Variants in UNC79 observed in about 807,000 individuals in gnomAD.
UNC79 encodes the protein protein unc-79 homolog.
A neutral mutation model predicts 283.1 loss-of-function variants in UNC79; 37 were observed. The ratio of observed to expected loss-of-function variants is 0.13; its 90% confidence interval spans 0.10 to 0.17. The LOEUF (loss-of-function observed/expected upper bound fraction) is 0.17, where lower values mean the gene tolerates loss of function less well. Among genes scored for constraint, UNC79 ranks in the 10% least tolerant of loss-of-function variants. The pLI is 1.00. For synonymous variants in UNC79, 1,107 were observed against 1,200.2 expected (o/e 0.92, Z 1.61); for missense variants, 2,272 against 3,211.1 (o/e 0.71, Z 7.07).
At chr14:93,381,247 A>G (rs879586134) in intron 1 of UNC79, among the ~76,000 whole-genome samples, 3 of 152,228 alleles carry the variant, frequency 2.0e-5, no homozygotes, top group Non-Finnish European at 4.4e-5. Context: ...AAAAGAAATT[A>G]GAGAAGCCCA....
chr14:93,427,487 A>G (rs1370212853), upstream of UNC79, among the ~76,000 whole-genome samples: 3 of 152,196 alleles, frequency 2.0e-5, no homozygotes, highest in Non-Finnish European at 2.9e-5. Flanking sequence ...TGTGTATGTA[A>G]TTACCCTATC....
intron 1 of UNC79, among the ~76,000 whole-genome samples, chr14:93,364,176 A>G (rs2054281841): frequency 6.6e-6 from 1 of 152,184 alleles, no homozygotes; most frequent in African/African-American, 2.4e-5. Flanking sequence ...CAAAGTTAGT[A>G]TACCCATGCA....
intron 1 of UNC79, among the ~76,000 whole-genome samples, chr14:93,410,290 C>T (rs2055308876): frequency 6.6e-6 from 1 of 152,230 alleles, no homozygotes. Context: ...AGAGGGGAAT[C>T]ACCTATCCCA....
At chr14:93,612,736 A>T in intron 26 of UNC79, 61 bp from the exon 28 acceptor site, 1 of 1,570,146 alleles carries the variant, frequency 6.4e-7, no homozygotes, top group African/African-American at 1.4e-5. Context: ...TCTAAGAGAG[A>T]TTTTAGTGTC....
At chr14:93,532,601 G>A (rs200844587) in intron 11 of UNC79, 23 bp downstream of exon 11, 29 of 1,609,300 alleles carry the variant, frequency 1.8e-5, no homozygotes, top group African/African-American at 9.3e-5. Context: ...CATTTGTGTC[G>A]TTGGGGCATG....
chr14:93,505,561 C>T (rs1720960567), intron 7 of UNC79, among the ~76,000 whole-genome samples: 2 of 151,982 alleles, frequency 1.3e-5, no homozygotes, highest in South Asian at 4.2e-4. Context: ...TTATGTGTGT[C>T]TTGTAATCAG....
chr14:93,561,459 G>T (rs1160928823), intron 14 of UNC79, among the ~76,000 whole-genome samples: 2 of 152,134 alleles, frequency 1.3e-5, no homozygotes, highest in Non-Finnish European at 2.9e-5. Context: ...GAAGTTTGGA[G>T]GTGTAGGGAG....
chr14:93,651,443 C>A (rs2070247991), intron 35 of UNC79, among the ~76,000 whole-genome samples: 1 of 152,080 alleles, frequency 6.6e-6, no homozygotes, highest in African/African-American at 2.4e-5. Flanking sequence ...TCTTTAATTT[C>A]TCTCAGCAAT....
chr14:93,547,100 T>A (rs1165279171), intron 14 of UNC79, among the ~76,000 whole-genome samples: 2 of 152,160 alleles, frequency 1.3e-5, no homozygotes, highest in Non-Finnish European at 2.9e-5. Context: ...CATGAAACAT[T>A]AAAATAATAA....
chr14:93,480,959 G>C (rs548611628), intron 4 of UNC79, among the ~76,000 whole-genome samples: 1 of 152,116 alleles, frequency 6.6e-6, no homozygotes. Flanking sequence ...CTGCTTTTCA[G>C]GTATAAAATG....
At chr14:93,638,867 TG>T (rs2068752431) in intron 32 of UNC79, among the ~76,000 whole-genome samples, 1 of 152,230 alleles carries the variant, frequency 6.6e-6, no homozygotes, top group South Asian at 2.1e-4. Flanking sequence ...CATTACTTTT[TG>T]TTCCTACTTC....
chr14:93,483,520 CTTT>C (rs10712787), intron 4 of UNC79, among the ~76,000 whole-genome samples: 2 of 140,500 alleles, frequency 1.4e-5, no homozygotes, highest in Non-Finnish European at 1.6e-5. Flanking sequence ...ACCTGTCTGT[CTTT>C]TTTTTTTTTT....
rs765525824 is a variant in UNC79, at chr14:93,618,344, A to G, written c.4377A>G (p.Glu1459=). The stretch of plus-strand genomic sequence containing the variant: ...ACAGTAACATAAGCAGATACAGCGA[A>G]AAAGAAAAAGGTACATATCTAAATT... Residue 1459 remains glutamate, a synonymous_variant, in exon 29 of 49, where the codon GAA becomes GAG. Coordinates refer to ENST00000555664, the Ensembl canonical transcript of UNC79. The G allele has an allele frequency of 1.9e-5, 30 of 1,610,902 alleles. No homozygotes were observed. In the Admixed American group the frequency reaches 2.5e-4, roughly 14 times the overall value.
chr14:93,628,568 A>G (rs2067752997), intron 30 of UNC79, among the ~76,000 whole-genome samples: 1 of 152,090 alleles, frequency 6.6e-6, no homozygotes, highest in Non-Finnish European at 1.5e-5. Context: ...TCCCCTCCCA[A>G]ATGAAAGCTC....
chr14:93,693,672 A>G (rs1288011158), intron 46 of UNC79, among the ~76,000 whole-genome samples: 3 of 152,214 alleles, frequency 2.0e-5, no homozygotes, highest in Non-Finnish European at 2.9e-5. Flanking sequence ...TGAATTAAAC[A>G]GTTATTGCCG....
chr14:93,533,512 C>T (rs2060924047), intron 11 of UNC79, among the ~76,000 whole-genome samples: 1 of 152,114 alleles, frequency 6.6e-6, no homozygotes, highest in African/African-American at 2.4e-5. Flanking sequence ...GTCTCACTCC[C>T]ATATCTGGGG....
intron 1 of UNC79, among the ~76,000 whole-genome samples, chr14:93,337,086 G>A (rs1393279104): frequency 6.6e-6 from 1 of 152,098 alleles, no homozygotes; most frequent in African/African-American, 2.4e-5. Flanking sequence ...TCCACGACCT[G>A]GAGTGAGAAC....
intron 1 of UNC79, among the ~76,000 whole-genome samples, chr14:93,379,948 A>G (rs2054634101): frequency 6.6e-6 from 1 of 152,204 alleles, no homozygotes; most frequent in African/African-American, 2.4e-5. Flanking sequence ...TGCATTTTAA[A>G]TTTCATGAGC....
chr14:93,487,684 G>A (rs2058512673), exon 5 of UNC79: 1 of 1,613,936 alleles, frequency 6.2e-7, no homozygotes, highest in Non-Finnish European at 8.5e-7. Context: ...AGGAGAGAAG[G>A]TGTACCTGCC....
Sources: allele counts gnomAD v4.1 joint callset (sites outside exome capture counted in the v4.1 genomes callset), GRCh38; gene constraint gnomAD v4.1.1; transcripts MANE v1.5; gene names NCBI Gene and HGNC (gene_info 2026-07-23, HGNC 2026-07-21).